NOX4: variants seen among roughly 807,000 people sequenced by gnomAD.
NOX4 encodes kidney oxidase-1.
A neutral mutation model predicts 87.6 loss-of-function variants in NOX4; 69 were observed. The ratio of observed to expected loss-of-function variants is 0.79; its 90% CI spans 0.65 to 0.96. NOX4 has a LOEUF of 0.96. Among genes scored for constraint, NOX4 ranks in the 40% least tolerant of loss-of-function variants. The pLI is 0.00. For missense variants in NOX4, 680 were observed against 681.5 expected (o/e 1.00, Z 0.02); for synonymous variants, 275 against 238.2 (o/e 1.15, Z -1.42).
chr11:89,448,514 A>G lies in NOX4; in HGVS notation c.349+926T>C, dbSNP rs146778278. ...ACATTGGTTTTTCTACCAAATATTAATATCAAAGAAATATTGATCACATAT... is the reference window on the plus strand; with the variant it reads ...ACATTGGTTTTTCTACCAAATATTAGTATCAAAGAAATATTGATCACATAT... On this transcript the variant is annotated intron_variant, in intron 4 of 17. Transcript: ENST00000263317. Among the ~76,000 whole-genome samples, 13 of 152,312 alleles carry G rather than the reference A, an allele frequency of 8.5e-5. No individual in the cohort carries two copies. The East Asian group carries it at 2.5e-3, about 29-fold the overall frequency.
the NOX4 span, among the ~76,000 whole-genome samples, chr11:89,543,009 A>G: frequency 6.6e-6 from 1 of 152,292 alleles, no homozygotes; most frequent in African/African-American, 2.4e-5. Flanking sequence ...GTAGAAAATT[A>G]AAGCTCTTTA....
At position 89,400,057 on chromosome 11, in the gene NOX4, C is replaced by T. The variant is rs756153083; in HGVS notation, c.1034G>A (p.Ser345Asn). Residue 345 changes from serine to asparagine, a missense_variant, in exon 11 of 18, where the codon AGT (serine) becomes AAT (asparagine). Physicochemically the swap from Ser to Asn is conservative, Grantham distance 46. Transcript: ENST00000263317. ...PGQYITLHCP[S>N]VSALENHPFT... ...TGGATGATTTTCTAATGCAGATACA[C>T]TGGGACAATGTAGAGTAATATACTA... is the stretch of plus-strand genomic sequence containing the variant. 1.9e-6 allele frequency: 3 copies of T among 1,607,534 alleles called. No individual in the cohort carries two copies. The highest frequency in any genetic ancestry group is 2.6e-6 in the Non-Finnish European group (3 of 1,175,196).
Position 89,331,709 on chromosome 11 carries a change from T to C in NOX4, c.1616+4136A>G, listed in dbSNP as rs555437088. Among the ~76,000 whole-genome samples the C allele has an allele frequency of 6.9e-4, 104 of 151,810 alleles. 1 individual carries two copies. Among genetic ancestry groups the C allele is most frequent in the Middle Eastern group, 3.4e-3 (1 of 294 alleles). ...CTAAAGGCCCTTGTTAAATACTTGA[T>C]AATAAAATCAAGTATTAATTATAAA... is the stretch of plus-strand genomic sequence containing the variant. On this transcript the variant is annotated intron_variant, in intron 17 of 17. Coordinates refer to ENST00000263317, the MANE Select transcript of NOX4 (RefSeq NM_016931.5).
intron 7 of NOX4, among the ~76,000 whole-genome samples, chr11:89,432,214 G>A (rs183260862): frequency 6.6e-6 from 1 of 151,970 alleles, no homozygotes; most frequent in Non-Finnish European, 1.5e-5. Flanking sequence ...GGTTGGGAGA[G>A]GGGGAGGGAC....
chr11:89,560,961 C>CCTCTCTCTCT, the NOX4 span, among the ~76,000 whole-genome samples: 1 of 52,560 alleles, frequency 1.9e-5, no homozygotes, highest in African/African-American at 9.4e-5. Flanking sequence ...CATCTCATCT[C>CCTCTCTCTCT]GTCTCTCTCT....
Position 89,361,130 on chromosome 11 carries a change from T to A in NOX4, c.1136-6087A>T, listed in dbSNP as rs1332737042. On this transcript the variant is annotated intron_variant, in intron 12 of 17. Coordinates refer to ENST00000263317, the MANE Select transcript of NOX4 (RefSeq NM_016931.5). ...ACCCAAAGGAAAAGAAGTCATTACA[T>A]GAAAAAGACACAGGCACATGCATGT... Among the ~76,000 whole-genome samples the A allele has an allele frequency of 4.6e-5, 7 of 152,014 alleles. 1 individual carries two copies. The South Asian group carries it at 1.2e-3, about 27-fold the overall frequency.
intron 2 of NOX4, among the ~76,000 whole-genome samples, chr11:89,463,668 A>G (rs1018428653): frequency 1.3e-5 from 2 of 148,208 alleles, no homozygotes; most frequent in Non-Finnish European, 2.9e-5. Flanking sequence ...TCAGGAAAGC[A>G]GTAATTTTCA....
At chr11:89,420,477 G>C (rs955984862) in intron 8 of NOX4, among the ~76,000 whole-genome samples, 3 of 152,004 alleles carry the variant, frequency 2.0e-5, no homozygotes, top group Admixed American at 2.0e-4. Context: ...CAGAGAATTA[G>C]TTATAATGTG....
At position 89,427,910 on chromosome 11, in the gene NOX4, A is replaced by G. The variant is rs538252240; in HGVS notation, c.548+4874T>C. 5.9e-5 allele frequency among the ~76,000 whole-genome samples: 9 copies of G among 152,328 alleles called. No homozygotes were observed. In the South Asian group the frequency reaches 1.4e-3, roughly 25 times the overall value. On this transcript the variant is annotated intron_variant, in intron 7 of 17. Coordinates refer to ENST00000263317, the MANE Select transcript of NOX4 (RefSeq NM_016931.5). ...CTCGAGAAGACCAACTCAAAGACAC[A>G]TAATTGTCAGATTCACCAAAGTTGA...
At chr11:89,344,800 G>C in intron 13 of NOX4, among the ~76,000 whole-genome samples, 1 of 152,076 alleles carries the variant, frequency 6.6e-6, no homozygotes, top group African/African-American at 2.4e-5. Context: ...ATTAAGGGGG[G>C]ATGACTTTTA....
chr11:89,387,845 G>A (rs1940824949), intron 11 of NOX4, among the ~76,000 whole-genome samples: 1 of 152,148 alleles, frequency 6.6e-6, no homozygotes, highest in Non-Finnish European at 1.5e-5. Flanking sequence ...TGATTTGGTA[G>A]AAAGTCTTAA....
intron 7 of NOX4, among the ~76,000 whole-genome samples, chr11:89,426,220 T>G (rs1395107518): frequency 4.6e-5 from 7 of 152,090 alleles, no homozygotes; most frequent in Non-Finnish European, 8.8e-5. Flanking sequence ...ATCAGGAAAA[T>G]AGCTTTAAAA....
At chr11:89,431,654 C>A (rs1023552662) in intron 7 of NOX4, among the ~76,000 whole-genome samples, 23 of 152,234 alleles carry the variant, frequency 1.5e-4, no homozygotes, top group African/African-American at 5.5e-4. Context: ...CAATGAGATA[C>A]CATTTCACAC....
the NOX4 span, among the ~76,000 whole-genome samples, chr11:89,553,089 T>A: frequency 6.6e-6 from 1 of 152,072 alleles, no homozygotes. Flanking sequence ...CCACAGTGTT[T>A]TACCCCACAC....
chr11:89,484,540 T>C (rs497279), intron 2 of NOX4, among the ~76,000 whole-genome samples: 60,190 of 151,822 alleles, frequency 0.4, 14,415 homozygotes, highest in African/African-American at 0.68. Flanking sequence ...TTCATTATAG[T>C]GGCTAATATT....
At chr11:89,427,959 C>T (rs769978047) in intron 7 of NOX4, among the ~76,000 whole-genome samples, 1 of 152,154 alleles carries the variant, frequency 6.6e-6, no homozygotes, top group Non-Finnish European at 1.5e-5. Flanking sequence ...ATGTTAAGGG[C>T]AGCCAGAGAG....
intron 2 of NOX4, among the ~76,000 whole-genome samples, chr11:89,486,854 T>C (rs1451444831): frequency 3.3e-5 from 5 of 151,916 alleles, no homozygotes; most frequent in Non-Finnish European, 7.4e-5. Flanking sequence ...GTTCCACAAC[T>C]TCCCATCCTT....
At chr11:89,569,061 C>A in the NOX4 span, among the ~76,000 whole-genome samples, 2 of 151,784 alleles carry the variant, frequency 1.3e-5, no homozygotes, top group African/African-American at 2.4e-5. Context: ...AAATGTAACT[C>A]ATCTTGAGGG....
chr11:89,330,605 C>A (rs566160537), intron 17 of NOX4, among the ~76,000 whole-genome samples: 6 of 129,816 alleles, frequency 4.6e-5, no homozygotes, highest in African/African-American at 1.2e-4. Flanking sequence ...CAGGAACCAA[C>A]AACCTAAAGC....
Sources: gnomAD v4.1 joint callset for allele counts (sites outside exome capture counted in the v4.1 genomes callset) on GRCh38, gnomAD v4.1.1 for gene constraint, MANE v1.5 for transcripts, NCBI Gene and HGNC (gene_info 2026-07-23, HGNC 2026-07-21) for gene names.